The following RAVER2 variants were observed in gnomAD, a reference collection of about 807,000 sequenced individuals.
The protein encoded by RAVER2 is ribonucleoprotein PTB-binding 2.
RAVER2 carries 46 observed loss-of-function variants against 78.1 expected under a neutral mutation model. That is an observed-to-expected ratio of 0.59 (90% confidence interval 0.46 to 0.75). The LOEUF (loss-of-function observed/expected upper bound fraction) is 0.75, where lower values mean the gene tolerates loss of function less well. RAVER2 is among the 30% of genes least tolerant of loss of function. The pLI is 0.00. For synonymous variants in RAVER2, 311 were observed against 313.3 expected, an observed-to-expected ratio of 0.99 and a Z score of 0.08; for missense variants, 793 against 837.5, an observed-to-expected ratio of 0.95 and a Z score of 0.66.
At chr1:64,774,559 T>C (rs1369563230) in intron 2 of RAVER2, among the ~76,000 whole-genome samples, 1 of 152,222 alleles carries the variant, frequency 6.6e-6, no homozygotes, top group African/African-American at 2.4e-5. Flanking sequence ...ACCAGTACCA[T>C]GCTGTTTTGG....
intron 1 of RAVER2, among the ~76,000 whole-genome samples, chr1:64,755,724 G>GTTT (rs753375050): frequency 0.037 from 2,247 of 60,660 alleles, 651 homozygotes; most frequent in African/African-American, 0.12. Flanking sequence ...ATGCTTCATA[G>GTTT]TTTTTTTTTT....
At chr1:64,807,458 C>T in exon 9 of RAVER2, 1 of 1,613,802 alleles carries the variant, frequency 6.2e-7, no homozygotes, top group Non-Finnish European at 8.5e-7. Flanking sequence ...CCAAAAGGCA[C>T]AGAGATAAGT....
At chr1:64,775,142 T>C (rs964796700) in intron 2 of RAVER2, among the ~76,000 whole-genome samples, 1 of 152,232 alleles carries the variant, frequency 6.6e-6, no homozygotes, top group Non-Finnish European at 1.5e-5. Flanking sequence ...TTTGACTTCC[T>C]CTTTTCCTAA....
intron 7 of RAVER2, 37 bp from the exon 8 acceptor site, chr1:64,804,954 A>G (rs1368475799): frequency 6.3e-7 from 1 of 1,585,488 alleles, no homozygotes; most frequent in Admixed American, 1.7e-5. Flanking sequence ...GTTATATCTT[A>G]TGGCCATGGG....
intron 4 of RAVER2, among the ~76,000 whole-genome samples, chr1:64,786,494 A>C (rs1460851222): frequency 6.6e-6 from 1 of 152,240 alleles, no homozygotes; most frequent in Non-Finnish European, 1.5e-5. Context: ...TTGGATCTTT[A>C]AGATCACTAC....
rs533001820 is a variant in RAVER2, at chr1:64,800,385, C to T, written c.1106-2591C>T. On this transcript the variant is annotated intron_variant, in intron 5 of 11. Transcript: ENST00000294428. Reference sequence around the variant, plus strand: ...CCCAGATCAGTGTCCTCAAGTGTTTCCCCCATGTTTTCTTCCAGTAGTTGT... The same window carrying T: ...CCCAGATCAGTGTCCTCAAGTGTTTTCCCCATGTTTTCTTCCAGTAGTTGT... Among the ~76,000 whole-genome samples, 8 of 152,052 alleles carry T rather than the reference C, an allele frequency of 5.3e-5. No homozygotes were observed. The East Asian group carries it at 1.4e-3, about 26-fold the overall frequency.
chr1:64,794,485 T>C (rs1359060362), intron 5 of RAVER2, among the ~76,000 whole-genome samples: 3 of 152,036 alleles, frequency 2.0e-5, no homozygotes, highest in African/African-American at 7.2e-5. Flanking sequence ...AGGGCTCCAG[T>C]TTGCTTAGTA....
At chr1:64,810,658 G>T (rs558469010) in intron 9 of RAVER2, among the ~76,000 whole-genome samples, 32 of 152,282 alleles carry the variant, frequency 2.1e-4, no homozygotes, top group Middle Eastern at 6.8e-3. Context: ...GTTTTGATTT[G>T]CATTTCCCTA....
chr1:64,829,474 T>C (rs1184820474), intron 11 of RAVER2, among the ~76,000 whole-genome samples: 2 of 152,172 alleles, frequency 1.3e-5, no homozygotes, highest in African/African-American at 4.8e-5. Context: ...GGGGCCCTAA[T>C]GAAGAAGGCA....
chr1:64,813,770 A>G (rs565270996), intron 10 of RAVER2, among the ~76,000 whole-genome samples: 114 of 151,598 alleles, frequency 7.5e-4, no homozygotes, highest in African/African-American at 2.6e-3. Flanking sequence ...GATGGTGACA[A>G]TTATTACATT....
chr1:64,811,136 A>G (rs1018040035), intron 9 of RAVER2, among the ~76,000 whole-genome samples: 3 of 152,208 alleles, frequency 2.0e-5, no homozygotes, highest in African/African-American at 7.2e-5. Context: ...GTCAAAAGAA[A>G]CGTAAACCAA....
At chr1:64,793,531 AT>A (rs1207435293) in intron 5 of RAVER2, among the ~76,000 whole-genome samples, 4 of 152,180 alleles carry the variant, frequency 2.6e-5, no homozygotes. Context: ...TATAAACTGT[AT>A]TTTTTTAGGA....
At chr1:64,775,216 G>T (rs973352107) in intron 2 of RAVER2, among the ~76,000 whole-genome samples, 2 of 152,172 alleles carry the variant, frequency 1.3e-5, no homozygotes, top group African/African-American at 4.8e-5. Flanking sequence ...TCAATATGAA[G>T]ATATATGTGG....
intron 5 of RAVER2, among the ~76,000 whole-genome samples, chr1:64,798,113 C>T (rs1570565715): frequency 1.6e-5 from 2 of 128,068 alleles, no homozygotes; most frequent in South Asian, 5.5e-4. Flanking sequence ...GTGATATTCC[C>T]CTTCCTGTGT....
chr1:64,808,663 T>C (rs1653515525), intron 9 of RAVER2, among the ~76,000 whole-genome samples: 2 of 152,154 alleles, frequency 1.3e-5, no homozygotes, highest in Non-Finnish European at 1.5e-5. Context: ...GGTTTCACCA[T>C]GTTGGCCAGA....
At chr1:64,800,457 T>C (rs1372023001) in intron 5 of RAVER2, among the ~76,000 whole-genome samples, 2 of 152,156 alleles carry the variant, frequency 1.3e-5, no homozygotes, top group Non-Finnish European at 2.9e-5. Flanking sequence ...TTTGAGTTGG[T>C]TTTTATATAT....
intron 6 of RAVER2, among the ~76,000 whole-genome samples, chr1:64,804,067 G>T (rs1653343846): frequency 6.6e-6 from 1 of 152,150 alleles, no homozygotes. Flanking sequence ...GGTCCTCAAA[G>T]GACCTTGTTT....
chr1:64,772,276 C>T (rs933828342), intron 2 of RAVER2, among the ~76,000 whole-genome samples: 2 of 152,086 alleles, frequency 1.3e-5, no homozygotes. Context: ...ACTGTCTGAA[C>T]TTTTAAATTT....
intron 1 of RAVER2, among the ~76,000 whole-genome samples, chr1:64,746,386 CAT>C (rs1318613523): frequency 1.2e-4 from 19 of 152,308 alleles, no homozygotes; most frequent in Non-Finnish European, 1.9e-4. Flanking sequence ...GATGTTCACA[CAT>C]GTTTCACATA....
Sources: gnomAD v4.1 joint callset for allele counts (sites outside exome capture counted in the v4.1 genomes callset) on GRCh38, gnomAD v4.1.1 for gene constraint, MANE v1.5 for transcripts, NCBI Gene and HGNC (gene_info 2026-07-23, HGNC 2026-07-21) for gene names.